Variants in FOXD2 observed in about 807,000 individuals in gnomAD.
The protein encoded by FOXD2 is forkhead box protein D2.
FOXD2 carries 4 observed loss-of-function variants against 6.4 expected under a neutral mutation model. The ratio of observed to expected loss-of-function variants is 0.62; its 90% CI spans 0.31 to 1.42. FOXD2 has a LOEUF of 1.42. FOXD2 is among the 40% of genes most tolerant of loss of function. The pLI is 0.08. For missense variants in FOXD2, 709 were observed against 766.8 expected, an observed-to-expected ratio of 0.92 and a Z score of 0.89; for synonymous variants, 393 against 373.6, an observed-to-expected ratio of 1.05 and a Z score of -0.60.
chr1:47,439,876 T>G lies in FOXD2; in HGVS notation c.*253T>G. ...CCAAGATTCTTTACAGTTTGAGAAA[T>G]AAAAGCAGGGGGGTGGGGGCTTCGT... On this transcript the variant is annotated 3_prime_UTR_variant, in exon 1 of 1. Transcript: ENST00000334793. The G allele has an allele frequency of 2.4e-6, 1 of 424,118 alleles. No individual in the cohort carries two copies. Among genetic ancestry groups the G allele is most frequent in the Non-Finnish European group, 4.2e-6 (1 of 239,852 alleles). 26.3% of individuals were successfully genotyped at this position (424,118 alleles called of 1,614,324 possible).
In FOXD2 at chr1:47,438,629, G is replaced by C; in HGVS notation, c.494G>C (p.Arg165Pro). The C allele has an allele frequency of 6.2e-7, 1 of 1,613,936 alleles. No homozygotes were observed. Among genetic ancestry groups the C allele is most frequent in the East Asian group, 2.2e-5 (1 of 44,830 alleles). The change falls in exon 1 of 1, where the codon CGG (arginine) becomes CCG (proline). Residue 165 changes from arginine (R) to proline (P), a missense_variant. By Grantham distance (103) the Arg-to-Pro change is moderately radical. Coordinates refer to ENST00000334793, the MANE Select transcript of FOXD2 (RefSeq NM_004474.4). ...EFISGRFPYY[R>P]EKFPAWQNSI... ...ATCAGCGGCCGCTTCCCCTACTACC[G>C]GGAGAAGTTCCCCGCCTGGCAGAAC...
At position 47,440,349 on chromosome 1, in the gene FOXD2, G is replaced by C. The variant is rs956043891; in HGVS notation, c.*726G>C. 1.8e-5 allele frequency: 3 copies of C among 166,908 alleles called. No individual in the cohort carries two copies. Among genetic ancestry groups the C allele is most frequent in the Non-Finnish European group, 4.4e-5 (3 of 68,096 alleles). The allele number at this position is 166,908 out of a possible 1,614,324, so 10.3% of individuals were successfully genotyped here. A position where few individuals can be genotyped will look rare whatever the true frequency, so the allele number is the denominator to read the frequency against. On this transcript the variant is annotated 3_prime_UTR_variant, in exon 1 of 1. Transcript: ENST00000334793. ...GGCTGGGTCCAGCCATCTCCGGCCA[G>C]CAACCCTGTCAGTGTTCCACCCTGT...
In FOXD2 at chr1:47,438,478, C is replaced by T; in HGVS notation, c.343C>T (p.Pro115Ser). 6.4e-7 allele frequency: 1 copy of T among 1,554,968 alleles called. No homozygotes were observed. The change falls in exon 1 of 1, where the codon CCG becomes TCG. Residue 115 changes from proline to serine, a missense_variant. Pro to Ser is a moderately conservative substitution (Grantham distance 74, BLOSUM62 -1). Coordinates refer to ENST00000334793, the MANE Select transcript of FOXD2 (RefSeq NM_004474.4). ...CGCAGCGGGGCCCGGGCCGGGACCG[C>T]CGTCGGGGGGCGCGGCGACGCGGAG... ...RGAAGPGPGP[P>S]SGGAATRSPL...
In FOXD2 at chr1:47,439,287, C is replaced by G. The variant is rs760940482; in HGVS notation, c.1152C>G (p.Thr384=). ...CCGGCACCGCGGCGGGTCTGCCCAC[C>G]GCACTTCTGCGCCAGGGCCTCAAGA... ...PAAGTAAGLP[T]ALLRQGLKTD... Residue 384 remains threonine, a synonymous_variant, in exon 1 of 1, where the codon ACC becomes ACG. Transcript: ENST00000334793. 2.7e-6 allele frequency: 4 copies of G among 1,494,112 alleles called. No homozygotes were observed. In the African/African-American group the frequency reaches 5.8e-5, roughly 22 times the overall value. 92.6% of individuals were successfully genotyped at this position (1,494,112 alleles called of 1,614,324 possible). A position where few individuals can be genotyped will look rare whatever the true frequency, so the allele number is the denominator to read the frequency against.
Position 47,439,171 on chromosome 1 carries a change from G to T in FOXD2, c.1036G>T (p.Gly346Cys). The change falls in exon 1 of 1, where the codon GGC becomes TGC. Residue 346 changes from glycine (G) to cysteine (C), a missense_variant. Transcript: ENST00000334793. ...TGCGCCTGCCTCAGGCTCGGGCCCG[G>T]GCCCGGGCCCCGCAGGCCTGCCCGC... Reference protein sequence around the residue: ...APAPASGSGPGPGPAGLPAFL... With the variant: ...APAPASGSGPCPGPAGLPAFL... The T allele has an allele frequency of 1.4e-6, 2 of 1,440,714 alleles. No individual in the cohort carries two copies. The highest frequency in any genetic ancestry group is 2.8e-5 in the South Asian group (2 of 72,514). 89.2% of individuals were successfully genotyped at this position (1,440,714 alleles called of 1,614,324 possible).
At position 47,438,370 on chromosome 1, in the gene FOXD2, G is replaced by A; in HGVS notation, c.235G>A (p.Asp79Asn). 8.1e-7 allele frequency: 1 copy of A among 1,232,554 alleles called. No homozygotes were observed. Among genetic ancestry groups the A allele is most frequent in the Non-Finnish European group, 1.0e-6 (1 of 987,246 alleles). 76.4% of individuals were successfully genotyped at this position (1,232,554 alleles called of 1,614,324 possible). The change falls in exon 1 of 1, where the codon GAC becomes AAC. Residue 79 changes from aspartate (D) to asparagine (N), a missense_variant. Asp to Asn is a conservative substitution (Grantham distance 23). Transcript: ENST00000334793. Reference protein sequence around the residue: ...EDEEESGGCSDGEPRALASRG... With the variant: ...EDEEESGGCSNGEPRALASRG... ...CGAGGAGGAGTCTGGTGGCTGCTCG[G>A]ACGGCGAGCCCCGCGCTCTGGCGTC...
rs538530699 is a variant in FOXD2, at chr1:47,440,110, C to CTTTTTTTT, written c.*503_*510dup. 8.8e-5 allele frequency: 10 copies of CTTTTTTTT among 113,898 alleles called. No homozygotes were observed. The highest frequency in any genetic ancestry group is 2.9e-4 in the East Asian group (1 of 3,478). 7.1% of individuals were successfully genotyped at this position (113,898 alleles called of 1,614,324 possible). On this transcript the variant is annotated 3_prime_UTR_variant, in exon 1 of 1. Transcript: ENST00000334793. The stretch of plus-strand genomic sequence containing the variant: ...TTTGTGCTTAAAAGAAAAATTCAAC[C>CTTTTTTTT]TTTTTTTTTTTTTTTTTTTTTTTGC...
chr1:47,439,648 G>A lies in FOXD2; in HGVS notation c.*25G>A, dbSNP rs765022256. ...ACCGCAGCAGGCCCAGGGCCGGTTAGGTCCGCACTCCTCAGCCTCTCCCGG... is the reference window on the plus strand; with the variant it reads ...ACCGCAGCAGGCCCAGGGCCGGTTAAGTCCGCACTCCTCAGCCTCTCCCGG... On this transcript the variant is annotated 3_prime_UTR_variant, in exon 1 of 1. Coordinates refer to ENST00000334793, the MANE Select transcript of FOXD2 (RefSeq NM_004474.4). 83 of 1,538,590 alleles carry A rather than the reference G, an allele frequency of 5.4e-5. 2 individuals are homozygous for A. The South Asian group carries it at 9.8e-4, about 18-fold the overall frequency.
Position 47,438,273 on chromosome 1 carries a change from C to T in FOXD2, c.138C>T (p.Arg46=). The stretch of plus-strand genomic sequence containing the variant: ...AGCTCCCAGCTCGCTCCGGGCCCCG[C>T]GCCCCCCGGGACGTGCTCCCCCACG... The part of the protein sequence containing the change: ...GGELPARSGP[R]APRDVLPHGH... The change falls in exon 1 of 1, where the codon CGC becomes CGT. Residue 46 remains arginine, a synonymous_variant. Coordinates refer to ENST00000334793, the MANE Select transcript of FOXD2 (RefSeq NM_004474.4). The T allele has an allele frequency of 7.4e-7, 1 of 1,356,640 alleles. No homozygotes were observed. Among genetic ancestry groups the T allele is most frequent in the South Asian group, 1.7e-5 (1 of 57,416 alleles). The allele number at this position is 1,356,640 out of a possible 1,614,324, so 84.0% of individuals were successfully genotyped here.
Position 47,438,595 on chromosome 1 carries a change from T to G in FOXD2, c.460T>G (p.Cys154Gly). 6.2e-7 allele frequency: 1 copy of G among 1,613,940 alleles called. No homozygotes were observed. The highest frequency in any genetic ancestry group is 8.5e-7 in the Non-Finnish European group (1 of 1,179,942). Residue 154 changes from cysteine (C) to glycine (G), a missense_variant, in exon 1 of 1, where the codon TGC becomes GGC. Coordinates refer to ENST00000334793, the MANE Select transcript of FOXD2 (RefSeq NM_004474.4). ...GAAGCGGCTGACGTTGAGCGAGATCTGCGAGTTCATCAGCGGCCGCTTCCC... is the reference window on the plus strand; with the variant it reads ...GAAGCGGCTGACGTTGAGCGAGATCGGCGAGTTCATCAGCGGCCGCTTCCC... ...PKKRLTLSEI[C>G]EFISGRFPYY... is the part of the protein sequence containing the mutation.
chr1:47,439,406 G>A lies in FOXD2; in HGVS notation c.1271G>A (p.Gly424Glu), dbSNP rs1646995627. 5 of 1,544,882 alleles carry A rather than the reference G, an allele frequency of 3.2e-6. No homozygotes were observed. The highest frequency in any genetic ancestry group is 4.3e-6 in the Non-Finnish European group (5 of 1,154,584). The part of the protein sequence containing the change: ...IDHIMGHGGG[G>E]AAPPGAGEGS... ...CACATCATGGGCCACGGTGGCGGCG[G>A]GGCAGCACCCCCGGGCGCCGGCGAG... is the stretch of plus-strand genomic sequence containing the variant. The change falls in exon 1 of 1, where the codon GGG becomes GAG. Residue 424 changes from glycine (G) to glutamate (E), a missense_variant. Around this residue, in one of 5 missense-constraint regions of FOXD2, gnomAD observed 322 missense variants for 313.8 expected, o/e 1.03. Transcript: ENST00000334793.
chr1:47,438,428 G>C lies in FOXD2; in HGVS notation c.293G>C (p.Gly98Ala). The C allele has an allele frequency of 8.9e-7, 1 of 1,118,668 alleles. No homozygotes were observed. Among genetic ancestry groups the C allele is most frequent in the Non-Finnish European group, 1.1e-6 (1 of 914,490 alleles). The allele number at this position is 1,118,668 out of a possible 1,614,324, so 69.3% of individuals were successfully genotyped here. A position where few individuals can be genotyped will look rare whatever the true frequency, so the allele number is the denominator to read the frequency against. The change falls in exon 1 of 1, where the codon GGG becomes GCG. Residue 98 changes from glycine to alanine, a missense_variant. Gly to Ala is a moderately conservative substitution (Grantham distance 60). Transcript: ENST00000334793. ...RGAAAAAGSPGPGAAAARGAA... is the reference protein window; with the variant it reads ...RGAAAAAGSPAPGAAAARGAA... The stretch of plus-strand genomic sequence containing the variant: ...GCGGCGGCCGCAGCGGGGAGCCCGG[G>C]GCCAGGCGCCGCGGCGGCCCGCGGC...
rs1376676855 is a variant in FOXD2, at chr1:47,439,455, G to C, written c.1320G>C (p.Ala440=). The C allele has an allele frequency of 3.9e-6, 6 of 1,541,694 alleles. No individual in the cohort carries two copies. Among genetic ancestry groups the C allele is most frequent in the Non-Finnish European group, 5.2e-6 (6 of 1,147,944 alleles). The change falls in exon 1 of 1, where the codon GCG becomes GCC. Residue 440 remains alanine, a synonymous_variant. Transcript: ENST00000334793. The part of the protein sequence containing the change: ...AGEGSPGPPF[A]AAAGPGGQAQ... The stretch of plus-strand genomic sequence containing the variant: ...AGGGCTCTCCGGGACCGCCATTCGC[G>C]GCAGCCGCGGGTCCTGGGGGCCAAG...
In FOXD2 at chr1:47,438,869, G is replaced by A; in HGVS notation, c.734G>A (p.Gly245Asp). 1 of 1,588,620 alleles carries A rather than the reference G, an allele frequency of 6.3e-7. No homozygotes were observed. Among genetic ancestry groups the A allele is most frequent in the Non-Finnish European group, 8.6e-7 (1 of 1,168,766 alleles). Residue 245 changes from glycine (G) to aspartate (D), a missense_variant, in exon 1 of 1, where the codon GGC becomes GAC. By Grantham distance (94) the Gly-to-Asp change is moderately conservative. Around this residue, in one of 5 missense-constraint regions of FOXD2, gnomAD observed 98 missense variants for 91.0 expected, o/e 1.08. Transcript: ENST00000334793. The part of the protein sequence containing the change: ...PHPHPELLLR[G>D]GAAAAGDPGA... ...CCTCACCCGGAGCTGCTGCTGCGTG[G>A]CGGGGCCGCGGCGGCGGGGGATCCC...
chr1:47,439,727 C>T lies in FOXD2; in HGVS notation c.*104C>T. 2 of 1,121,364 alleles carry T rather than the reference C, an allele frequency of 1.8e-6. No individual in the cohort carries two copies. Among genetic ancestry groups the T allele is most frequent in the Non-Finnish European group, 2.5e-6 (2 of 794,176 alleles). The allele number at this position is 1,121,364 out of a possible 1,614,324, so 69.5% of individuals were successfully genotyped here. On this transcript the variant is annotated 3_prime_UTR_variant, in exon 1 of 1. Transcript: ENST00000334793. The stretch of plus-strand genomic sequence containing the variant: ...GGAGTCTATTTATGAAGTCTCCAGA[C>T]CTTGGGCCGGCACGCGTGACACGGC...
rs902599712 is a variant in FOXD2, at chr1:47,438,076, C to G, written c.-60C>G. The G allele has an allele frequency of 9.1e-6, 12 of 1,311,786 alleles. No homozygotes were observed. Among genetic ancestry groups the G allele is most frequent in the South Asian group, 8.4e-5 (4 of 47,832 alleles). The allele number at this position is 1,311,786 out of a possible 1,614,324, so 81.3% of individuals were successfully genotyped here. A position where few individuals can be genotyped will look rare whatever the true frequency, so the allele number is the denominator to read the frequency against. ...GCACTCGCCCCAGAGGCAGCGCGGC[C>G]GAGCCCGAGCCGCTGCCGGAGCGGA... On this transcript the variant is annotated 5_prime_UTR_variant, in exon 1 of 1. Transcript: ENST00000334793.
chr1:47,439,508 C>T lies in FOXD2; in HGVS notation c.1373C>T (p.Pro458Leu). The T allele has an allele frequency of 6.4e-7, 1 of 1,551,316 alleles. No individual in the cohort carries two copies. Among genetic ancestry groups the T allele is most frequent in the Non-Finnish European group, 8.7e-7 (1 of 1,148,724 alleles). The change falls in exon 1 of 1, where the codon CCG becomes CTG. Residue 458 changes from proline to leucine, a missense_variant. This residue lies in a region of FOXD2 where 322 missense variants were observed against 313.8 expected (regional missense o/e 1.03). Coordinates refer to ENST00000334793, the MANE Select transcript of FOXD2 (RefSeq NM_004474.4). ...QAQVLAMLTA[P>L]ALAPVAGHIR... ...CAGGTCTTGGCCATGCTGACTGCTC[C>T]GGCCCTGGCTCCCGTTGCTGGCCAC...
Position 47,438,111 on chromosome 1 carries a change from T to TGGC in FOXD2, c.-12_-10dup, listed in dbSNP as rs765573047. ...CCGCTGCCGGAGCGGAGCCGGAGAG[T>TGGC]GGCGGCGGCGGCGGCAGCGGCACCA... On this transcript the variant is annotated 5_prime_UTR_variant, in exon 1 of 1. Transcript: ENST00000334793. 1.2e-4 allele frequency: 172 copies of TGGC among 1,385,518 alleles called. 1 individual carries two copies. The African/African-American group carries it at 2.3e-3, about 18-fold the overall frequency. The allele number at this position is 1,385,518 out of a possible 1,614,324, so 85.8% of individuals were successfully genotyped here.
Position 47,439,552 on chromosome 1 carries a change from G to A in FOXD2, c.1417G>A (p.Gly473Arg), listed in dbSNP as rs1255061130. The A allele has an allele frequency of 1.3e-6, 2 of 1,553,986 alleles. No homozygotes were observed. The highest frequency in any genetic ancestry group is 1.7e-6 in the Non-Finnish European group (2 of 1,149,726). ...VAGHIRLSHP[G>R]DALLSSGSRF... is the part of the protein sequence containing the mutation. ...TGGCCACATTCGCCTCTCGCATCCC[G>A]GGGACGCGCTGCTGTCCTCAGGGTC... Residue 473 changes from glycine (G) to arginine (R), a missense_variant, in exon 1 of 1, where the codon GGG (glycine) becomes AGG (arginine). This residue lies in a region of FOXD2 where 322 missense variants were observed against 313.8 expected (regional missense o/e 1.03). Transcript: ENST00000334793.
Sources: allele counts gnomAD v4.1 joint callset, GRCh38; gene constraint gnomAD v4.1.1; regional missense constraint gnomAD v4.1.1; transcripts MANE v1.5; gene names NCBI Gene and HGNC (gene_info 2026-07-23, HGNC 2026-07-21).